SLC12A8: variants seen among roughly 807,000 people sequenced by gnomAD.
SLC12A8 encodes the protein cation-chloride cotransporter 9.
A neutral mutation model predicts 75.6 loss-of-function variants in SLC12A8; 69 were observed. That is an observed-to-expected ratio of 0.91 (90% confidence interval 0.75 to 1.11). The LOEUF is 1.11. SLC12A8 is among the 50% of genes most tolerant of loss of function. The pLI, the probability that SLC12A8 is intolerant of heterozygous loss-of-function variation, is 0.00. For missense variants in SLC12A8, 877 were observed against 896.7 expected, an observed-to-expected ratio of 0.98 and a Z score of 0.28; for synonymous variants, 365 against 372.8, an observed-to-expected ratio of 0.98 and a Z score of 0.24.
intron 5 of SLC12A8, among the ~76,000 whole-genome samples, chr3:125,166,336 C>G (rs1301416582): frequency 6.6e-6 from 1 of 151,224 alleles, no homozygotes; most frequent in East Asian, 1.9e-4. Flanking sequence ...CGTCTCTTTT[C>G]CACCCTAGAG....
intron 2 of SLC12A8, among the ~76,000 whole-genome samples, chr3:125,207,121 C>A (rs995211971): frequency 2.0e-5 from 3 of 152,168 alleles, no homozygotes; most frequent in Non-Finnish European, 4.4e-5. Context: ...CAGGTCTCAG[C>A]GACCTGGAAA....
intron 6 of SLC12A8, among the ~76,000 whole-genome samples, chr3:125,129,685 G>T (rs948381508): frequency 3.3e-5 from 5 of 152,240 alleles, no homozygotes; most frequent in Non-Finnish European, 5.9e-5. Context: ...TGTTCCAGAA[G>T]AGGATGGTGT....
chr3:125,172,719 A>G (rs1934431583), intron 5 of SLC12A8, among the ~76,000 whole-genome samples: 1 of 152,256 alleles, frequency 6.6e-6, no homozygotes, highest in African/African-American at 2.4e-5. Flanking sequence ...AAAGAAGTGG[A>G]GAAACTGAGT....
At chr3:125,175,104 A>G (rs1193529792) in intron 5 of SLC12A8, among the ~76,000 whole-genome samples, 1 of 152,176 alleles carries the variant, frequency 6.6e-6, no homozygotes, top group East Asian at 1.9e-4. Flanking sequence ...TAAACCTAAA[A>G]CTGCTCTAAA....
intron 3 of SLC12A8, among the ~76,000 whole-genome samples, chr3:125,189,102 A>G (rs1456009965): frequency 2.0e-5 from 3 of 152,232 alleles, no homozygotes; most frequent in Non-Finnish European, 2.9e-5. Flanking sequence ...AATATTTACT[A>G]TCAGTTGACC....
At chr3:125,104,017 AAGAG>A (rs933066625) in intron 10 of SLC12A8, among the ~76,000 whole-genome samples, 32 of 151,686 alleles carry the variant, frequency 2.1e-4, no homozygotes, top group South Asian at 8.3e-4. Context: ...AAAAAAAAAA[AAGAG>A]AGAGAAAGAG....
intron 13 of SLC12A8, 111 bp from the exon 14 acceptor site, chr3:125,084,163 A>C (rs1052344404): frequency 1.2e-6 from 1 of 845,820 alleles, no homozygotes. Flanking sequence ...ATGTATTTAA[A>C]TGTTTAAAAC....
intron 13 of SLC12A8, among the ~76,000 whole-genome samples, chr3:125,085,612 C>A (rs746700452): frequency 1.2e-4 from 19 of 152,206 alleles, no homozygotes; most frequent in Non-Finnish European, 1.9e-4. Context: ...GAGTCTCATT[C>A]TATTGCCCAG....
intron 6 of SLC12A8, among the ~76,000 whole-genome samples, chr3:125,128,427 G>T (rs1464351065): frequency 7.3e-6 from 1 of 137,700 alleles, no homozygotes; most frequent in East Asian, 2.2e-4. Context: ...TGATCCGCCC[G>T]CCTCGGCCTC....
intron 10 of SLC12A8, among the ~76,000 whole-genome samples, chr3:125,101,314 A>G (rs1256371614): frequency 6.6e-6 from 1 of 152,260 alleles, no homozygotes; most frequent in Non-Finnish European, 1.5e-5. Context: ...TGCCAGGCAC[A>G]TAGGATGTGC....
intron 6 of SLC12A8, among the ~76,000 whole-genome samples, chr3:125,125,240 C>T (rs1454570450): frequency 3.3e-5 from 5 of 151,744 alleles, no homozygotes; most frequent in East Asian, 1.9e-4. Flanking sequence ...CTTTTCTTGG[C>T]GGGCTTCCAA....
chr3:125,126,642 G>A (rs1363065029), intron 6 of SLC12A8, among the ~76,000 whole-genome samples: 1 of 152,122 alleles, frequency 6.6e-6, no homozygotes, highest in South Asian at 2.1e-4. Flanking sequence ...AATCCCAACA[G>A]TTTTTCTAGG....
intron 10 of SLC12A8, among the ~76,000 whole-genome samples, chr3:125,098,877 G>A (rs549716440): frequency 3.3e-5 from 5 of 152,086 alleles, no homozygotes; most frequent in Non-Finnish European, 4.4e-5. Flanking sequence ...AAAAATGAAT[G>A]GGGAAAATCC....
intron 13 of SLC12A8, 42 bp from the exon 14 acceptor site, chr3:125,084,094 C>T (rs767383312): frequency 5.8e-6 from 9 of 1,564,090 alleles, no homozygotes; most frequent in Non-Finnish European, 7.9e-6. Context: ...AAGGACAGAA[C>T]AGAGACTGAA....
intron 2 of SLC12A8, among the ~76,000 whole-genome samples, chr3:125,195,593 T>TTG (rs1280141192): frequency 7.5e-6 from 1 of 132,796 alleles, no homozygotes; most frequent in African/African-American, 2.6e-5. Context: ...ACTCAATCTG[T>TTG]TGTTTTTTTT....
chr3:125,127,786 A>G (rs1933244679), intron 6 of SLC12A8, among the ~76,000 whole-genome samples: 1 of 152,254 alleles, frequency 6.6e-6, no homozygotes, highest in Non-Finnish European at 1.5e-5. Context: ...AATTGTTTTG[A>G]TAAAAACTGT....
intron 2 of SLC12A8, among the ~76,000 whole-genome samples, chr3:125,203,354 G>A (rs1935164775): frequency 6.6e-6 from 1 of 152,126 alleles, no homozygotes; most frequent in African/African-American, 2.4e-5. Flanking sequence ...CAAAGCCATG[G>A]TAGCCAAAAC....
intron 7 of SLC12A8, chr3:125,119,212 T>C (rs1297561607): frequency 1.9e-5 from 3 of 157,998 alleles, no homozygotes; most frequent in Non-Finnish European, 4.2e-5. Flanking sequence ...TTTTTTTCTC[T>C]TTCTTATATT....
At chr3:125,173,630 T>C (rs1402407041) in intron 5 of SLC12A8, among the ~76,000 whole-genome samples, 1 of 152,082 alleles carries the variant, frequency 6.6e-6, no homozygotes, top group Admixed American at 6.6e-5. Context: ...CAAGGCATGA[T>C]CCACGGAAAA....
Sources: gnomAD v4.1 joint callset for allele counts (sites outside exome capture counted in the v4.1 genomes callset) on GRCh38, gnomAD v4.1.1 for gene constraint, MANE v1.5 for transcripts, NCBI Gene and HGNC (gene_info 2026-07-23, HGNC 2026-07-21) for gene names.